The following ANK3 variants were observed in gnomAD, a reference collection of about 807,000 sequenced individuals.
ANK3 encodes ankyrin 3.
ANK3 carries 57 observed loss-of-function variants against 370.9 expected under a neutral mutation model. The ratio of observed to expected loss-of-function variants is 0.15; its 90% CI spans 0.12 to 0.19. ANK3 has a LOEUF of 0.19. Ranked by LOEUF, ANK3 falls within the 10% of genes least tolerant of loss-of-function variation. ANK3 has a pLI of 1.00. For synonymous variants in ANK3, 1,929 were observed against 1,946.3 expected (o/e 0.99, Z 0.23); for missense variants, 4,439 against 5,302.1 (o/e 0.84, Z 5.06).
chr10:60,572,133 G>C (rs2077615160), intron 2 of ANK3, among the ~76,000 whole-genome samples: 2 of 152,112 alleles, frequency 1.3e-5, no homozygotes. Context: ...CGAGCATTCT[G>C]TGAAATTTAA....
chr10:60,643,590 G>T (rs1252351303), intron 1 of ANK3, among the ~76,000 whole-genome samples: 2 of 151,398 alleles, frequency 1.3e-5, no homozygotes, highest in Admixed American at 1.3e-4. Context: ...CTAATACACA[G>T]ACTCTCATTT....
chr10:60,087,059 C>T (rs1318833143), intron 29 of ANK3, among the ~76,000 whole-genome samples, 175 bp from the exon 30 acceptor site: 7 of 139,834 alleles, frequency 5.0e-5, no homozygotes, highest in East Asian at 2.1e-4. Flanking sequence ...CATGAATAAA[C>T]GAAACCAAAC....
rs145022530 is a variant in ANK3, at chr10:60,207,540, T to C, written c.1194+496A>G. Among the ~76,000 whole-genome samples, 70 of 152,304 alleles carry C rather than the reference T, an allele frequency of 4.6e-4. No individual in the cohort carries two copies. In the East Asian group the frequency reaches 0.013, roughly 28 times the overall value. ...AAAGAACAAATTAAAGTGAAGCCTA[T>C]AAACTGGACCAAAATTCTGATTGGC... is the stretch of plus-strand genomic sequence containing the variant. On this transcript the variant is annotated intron_variant, in intron 10 of 43. Coordinates refer to ENST00000280772, the MANE Select transcript of ANK3 (RefSeq NM_020987.5).
At chr10:60,366,566 CT>C (rs2059414684) in intron 1 of ANK3, among the ~76,000 whole-genome samples, 1 of 150,604 alleles carries the variant, frequency 6.6e-6, no homozygotes, top group South Asian at 2.1e-4. Flanking sequence ...AGATACTAGA[CT>C]TTTCCTGTTT....
At chr10:60,576,072 A>G (rs551631415) in intron 2 of ANK3, among the ~76,000 whole-genome samples, 2 of 152,332 alleles carry the variant, frequency 1.3e-5, no homozygotes, top group South Asian at 4.1e-4. Flanking sequence ...CCCAAATTAT[A>G]AAATTCCCTC....
chr10:60,587,388 C>G (rs1027866380), intron 2 of ANK3, among the ~76,000 whole-genome samples: 2 of 152,182 alleles, frequency 1.3e-5, no homozygotes, highest in African/African-American at 2.4e-5. Context: ...TAGAGTTTCC[C>G]TAACTAATTC....
At chr10:60,335,467 C>T (rs1242490175) in intron 1 of ANK3, among the ~76,000 whole-genome samples, 2 of 152,096 alleles carry the variant, frequency 1.3e-5, no homozygotes, top group Non-Finnish European at 2.9e-5. Context: ...AATGAGAAGT[C>T]AGGCCTGGAC....
At chr10:60,399,321 G>T (rs2063308038) in intron 2 of ANK3, among the ~76,000 whole-genome samples, 1 of 152,116 alleles carries the variant, frequency 6.6e-6, no homozygotes, top group African/African-American at 2.4e-5. Flanking sequence ...TATCTACTCT[G>T]AAAGTGAATA....
intron 2 of ANK3, among the ~76,000 whole-genome samples, chr10:60,588,080 A>G (rs1393077909): frequency 6.6e-6 from 1 of 152,040 alleles, no homozygotes; most frequent in Non-Finnish European, 1.5e-5. Flanking sequence ...ATGTGTTTCT[A>G]CAGGAAAGCA....
intron 1 of ANK3, among the ~76,000 whole-genome samples, chr10:60,626,063 T>A (rs1401250779): frequency 1.3e-5 from 2 of 151,964 alleles, no homozygotes; most frequent in Non-Finnish European, 2.9e-5. Context: ...AGACGGTCCC[T>A]TTGGGAGACT....
intron 1 of ANK3, among the ~76,000 whole-genome samples, chr10:60,692,200 A>C (rs938183433): frequency 2.0e-5 from 3 of 152,222 alleles, no homozygotes; most frequent in Admixed American, 1.3e-4. Context: ...TTGTGAAGAC[A>C]ATATCAAATC....
chr10:60,090,191 G>A (rs564910508), intron 28 of ANK3, among the ~76,000 whole-genome samples: 11 of 152,062 alleles, frequency 7.2e-5, no homozygotes, highest in East Asian at 3.9e-4. Context: ...GGTGGCATGC[G>A]CCTGTAATCC....
In ANK3 at chr10:60,069,569, A is replaced by G; in HGVS notation, c.11312T>C (p.Met3771Thr). 1 of 1,613,614 alleles carries G rather than the reference A, an allele frequency of 6.2e-7. No individual in the cohort carries two copies. Among genetic ancestry groups the G allele is most frequent in the Non-Finnish European group, 8.5e-7 (1 of 1,179,912 alleles). ...TMISNTANSQ[M>T]GVRPHEKHDF... The stretch of plus-strand genomic sequence containing the variant: ...ATGTTTTTCATGGGGCCTAACGCCC[A>G]TCTGGCTATTGGCTGTATTTGAAAT... Residue 3771 changes from methionine to threonine, a missense_variant, in exon 37 of 44, where the codon ATG becomes ACG. Met to Thr is a moderately conservative substitution (Grantham distance 81). This residue lies in a region of ANK3 where 496 missense variants were observed against 529.3 expected (regional missense o/e 0.94). Coordinates refer to ENST00000280772, the MANE Select transcript of ANK3 (RefSeq NM_020987.5).
rs115399030 is a variant in ANK3, at chr10:60,380,618, C to G, written c.114+8807G>C. On this transcript the variant is annotated intron_variant, in intron 1 of 43. Transcript: ENST00000280772. ...TAGAATGCCTGGCCCACTGTAGTCC[C>G]TCAATGAATTATAGCCCAACAAATA... Among the ~76,000 whole-genome samples, 794 of 152,222 alleles carry G rather than the reference C, an allele frequency of 5.2e-3. 4 individuals are homozygous for G. Among genetic ancestry groups the G allele is most frequent in the African/African-American group, 0.015 (612 of 41,528 alleles).
At chr10:60,171,044 G>A (rs1591205112) in intron 21 of ANK3, among the ~76,000 whole-genome samples, 2 of 151,956 alleles carry the variant, frequency 1.3e-5, no homozygotes, top group East Asian at 3.9e-4. Context: ...TCCTATCCTA[G>A]ATAGAGCTAC....
At chr10:60,509,824 C>T (rs1435506177) in intron 2 of ANK3, among the ~76,000 whole-genome samples, 1 of 152,088 alleles carries the variant, frequency 6.6e-6, no homozygotes. Flanking sequence ...TTATCTAAAA[C>T]CAGTCCCACT....
At chr10:60,105,196 C>A (rs2091994884) in intron 28 of ANK3, among the ~76,000 whole-genome samples, 1 of 149,680 alleles carries the variant, frequency 6.7e-6, no homozygotes, top group African/African-American at 2.4e-5. Context: ...TTATGGTGAG[C>A]CTGTTCTCTA....
At chr10:60,230,049 C>T (rs1404136590) in intron 8 of ANK3, among the ~76,000 whole-genome samples, 3 of 152,158 alleles carry the variant, frequency 2.0e-5, no homozygotes, top group Non-Finnish European at 4.4e-5. Context: ...GATTCTGCAT[C>T]TTCTCTGAAG....
intron 2 of ANK3, among the ~76,000 whole-genome samples, chr10:60,577,564 CTT>C (rs1567160229): frequency 2.6e-5 from 4 of 152,076 alleles, no homozygotes; most frequent in African/African-American, 7.2e-5. Context: ...GTTACTCTCT[CTT>C]GTTTGCCACC....
Sources: allele counts gnomAD v4.1 joint callset (sites outside exome capture counted in the v4.1 genomes callset), GRCh38; gene constraint gnomAD v4.1.1; regional missense constraint gnomAD v4.1.1; transcripts MANE v1.5; gene names NCBI Gene and HGNC (gene_info 2026-07-23, HGNC 2026-07-21).